Variants in KCNT1 observed in about 807,000 individuals in gnomAD.
KCNT1 encodes potassium channel subfamily T member 1.
Under a neutral mutation model 147.8 loss-of-function variants are expected in KCNT1, and 78 were observed. The ratio of observed to expected loss-of-function variants is 0.53; its 90% confidence interval spans 0.44 to 0.64. The LOEUF (loss-of-function observed/expected upper bound fraction) is 0.64. Among genes scored for constraint, KCNT1 ranks in the 30% least tolerant of loss-of-function variants. KCNT1 has a pLI of 0.00. For missense variants in KCNT1, 1,419 were observed against 1,750.3 expected, an observed-to-expected ratio of 0.81 and a Z score of 3.38; for synonymous variants, 867 against 748.8, an observed-to-expected ratio of 1.16 and a Z score of -2.58.
intron 15 of KCNT1, among the ~76,000 whole-genome samples, 153 bp downstream of exon 15, chr9:135,769,090 TG>T (rs1337013271): frequency 2.1e-5 from 3 of 142,706 alleles, no homozygotes; most frequent in Non-Finnish European, 1.5e-5. Flanking sequence ...ACGGTGCGTC[TG>T]GGGCAGGATG....
chr9:135,752,174 G>C lies in KCNT1; in HGVS notation c.434+1133G>C, dbSNP rs1341255807. 5 of 351,050 alleles carry C rather than the reference G, an allele frequency of 1.4e-5. No individual in the cohort carries two copies. The East Asian group carries it at 3.8e-4, about 27-fold the overall frequency. The allele number at this position is 351,050 out of a possible 1,614,324, so 21.7% of individuals were successfully genotyped here. A position where few individuals can be genotyped will look rare whatever the true frequency, so the allele number is the denominator to read the frequency against. The stretch of plus-strand genomic sequence containing the variant: ...TCGGGGTGAACCCTGCCAGCATGCT[G>C]GTCCCCCCTCTGGCTGCGCAGAGCA... On this transcript the variant is annotated intron_variant, in intron 4 of 30. Coordinates refer to ENST00000371757, the MANE Select transcript of KCNT1 (RefSeq NM_020822.3). This position sits in a 1 kb window ranked among gnomAD's most constrained non-coding sequence, Gnocchi z 5.1.
Position 135,784,116 on chromosome 9 carries a change from G to GC in KCNT1, c.2935dup (p.Leu979ProfsTer92). 1 of 1,603,952 alleles carries GC rather than the reference G, an allele frequency of 6.2e-7. No individual in the cohort carries two copies. The highest frequency in any genetic ancestry group is 1.1e-5 in the South Asian group (1 of 91,084). On this transcript the variant is annotated frameshift_variant, in exon 25 of 31. Coordinates refer to ENST00000371757, the MANE Select transcript of KCNT1 (RefSeq NM_020822.3). LOFTEE classifies it high-confidence loss of function. ...TCAGCATCAGCATGTTGGACACACTGCTCTACCAGGTCAGCGGGGAAGCGG... is the reference window on the plus strand; with the variant it reads ...TCAGCATCAGCATGTTGGACACACTGCCTCTACCAGGTCAGCGGGGAAGCGG...
At chr9:135,703,485 A>AC (rs1835118363) in intron 1 of KCNT1, among the ~76,000 whole-genome samples, 1 of 152,172 alleles carries the variant, frequency 6.6e-6, no homozygotes, top group Non-Finnish European at 1.5e-5. Context: ...CCCACCTGGC[A>AC]CCCGGGGGAG....
intron 20 of KCNT1, among the ~76,000 whole-genome samples, chr9:135,776,361 G>T (rs1833170773): frequency 1.3e-5 from 2 of 152,020 alleles, no homozygotes; most frequent in African/African-American, 2.4e-5. Context: ...AGGCTCAAGG[G>T]GTCCTCCCAC....
At chr9:135,754,118 T>G (rs573355498) in intron 5 of KCNT1, 125 bp downstream of exon 5, 1 of 802,498 alleles carries the variant, frequency 1.2e-6, no homozygotes, top group African/African-American at 1.8e-5. Flanking sequence ...CAGGGTGGGG[T>G]GGGATGAGTC....
chr9:135,717,449 G>A (rs1835766123), intron 2 of KCNT1, among the ~76,000 whole-genome samples: 1 of 152,148 alleles, frequency 6.6e-6, no homozygotes, highest in African/African-American at 2.4e-5. Context: ...AAGGTGGGGG[G>A]CTGCTGGTCG....
At chr9:135,768,782 C>T in intron 14 of KCNT1, 47 bp from the exon 15 acceptor site, 8 of 1,570,720 alleles carry the variant, frequency 5.1e-6, no homozygotes, top group Non-Finnish European at 7.0e-6. Context: ...GCCCAGCAGC[C>T]CACAGAGGCC....
intron 2 of KCNT1, chr9:135,742,674 T>C: frequency 1.4e-6 from 1 of 711,226 alleles, no homozygotes; most frequent in Non-Finnish European, 2.6e-6. Context: ...CATCTGTCTG[T>C]CTACTGCCTT....
chr9:135,754,479 G>A (rs374640219), intron 5 of KCNT1, among the ~76,000 whole-genome samples: 6 of 152,320 alleles, frequency 3.9e-5, no homozygotes, highest in African/African-American at 1.4e-4. Flanking sequence ...CCCCGGGCAG[G>A]CAGTGGGAGG....
Position 135,779,344 on chromosome 9 carries a change from G to A in KCNT1, c.2730-15G>A, listed in dbSNP as rs539244041. 4.0e-5 allele frequency: 63 copies of A among 1,576,080 alleles called. No homozygotes were observed. Among genetic ancestry groups the A allele is most frequent in the African/African-American group, 1.6e-4 (12 of 73,562 alleles). ...ACCACCATGGGCCCCGCCCTGAGCC[G>A]CCTGCCTCCCCCAGGCTCTTCCCCA... On this transcript the variant is annotated splice_polypyrimidine_tract_variant and intron_variant, in intron 23 of 30. Transcript: ENST00000371757.
intron 1 of KCNT1, among the ~76,000 whole-genome samples, chr9:135,709,715 C>T (rs534659748): frequency 1.3e-5 from 2 of 152,228 alleles, no homozygotes; most frequent in Admixed American, 1.3e-4. Flanking sequence ...GAGTCTCGCT[C>T]TGTCACCCAG....
intron 2 of KCNT1, chr9:135,742,628 G>A (rs1830624129): frequency 4.6e-6 from 3 of 658,584 alleles, no homozygotes; most frequent in Non-Finnish European, 5.6e-6. Context: ...CTCCCTGCGT[G>A]TCTGTGCCCC....
At chr9:135,751,179 C>T in intron 4 of KCNT1, 138 bp downstream of exon 4, 2 of 776,126 alleles carry the variant, frequency 2.6e-6, no homozygotes, top group South Asian at 3.1e-5. Flanking sequence ...TTCCCCAGTG[C>T]CTGTCCCAGG....
chr9:135,759,871 G>GGGCACCAGCCCTGGGT lies in KCNT1; in HGVS notation c.1035+22_1035+37dup. 3.1e-6 allele frequency: 5 copies of GGGCACCAGCCCTGGGT among 1,590,954 alleles called. No individual in the cohort carries two copies. The highest frequency in any genetic ancestry group is 1.3e-5 in the African/African-American group (1 of 74,614). On this transcript the variant is annotated intron_variant, in intron 11 of 30. Transcript: ENST00000371757. ...TGCTCCCACTGCAGGTGGGTCCTCT[G>GGGCACCAGCCCTGGGT]GGCACCAGCCCTGGGTGGCACCAGC...
At chr9:135,742,952 C>T (rs938273958) in intron 2 of KCNT1, 30 of 644,020 alleles carry the variant, frequency 4.7e-5, no homozygotes, top group Non-Finnish European at 7.3e-5. Context: ...TCCCAGTACC[C>T]GCTGGTGCCT....
At chr9:135,726,752 CCTCT>C in intron 2 of KCNT1, among the ~76,000 whole-genome samples, 1 of 92,290 alleles carries the variant, frequency 1.1e-5, no homozygotes, top group Non-Finnish European at 2.3e-5. Context: ...TCTCTCCCTC[CCTCT>C]CTCCCTCTCT....
intron 2 of KCNT1, among the ~76,000 whole-genome samples, chr9:135,718,218 C>T (rs890056836): frequency 6.6e-6 from 1 of 152,154 alleles, no homozygotes; most frequent in Non-Finnish European, 1.5e-5. Flanking sequence ...GACCAGGGGT[C>T]GTCTGCCTGG....
At chr9:135,724,127 G>A (rs1836033535) in intron 2 of KCNT1, among the ~76,000 whole-genome samples, 1 of 152,230 alleles carries the variant, frequency 6.6e-6, no homozygotes, top group South Asian at 2.1e-4. Flanking sequence ...TCCAGGCTCA[G>A]AGGCTCGAGA....
Position 135,757,007 on chromosome 9 carries a change from C to G in KCNT1, c.600+75C>G, listed in dbSNP as rs891431289. The G allele has an allele frequency of 6.2e-4, 727 of 1,169,612 alleles. 2 individuals carry two copies. The highest frequency in any genetic ancestry group is 8.2e-4 in the Non-Finnish European group (665 of 812,278). The allele number at this position is 1,169,612 out of a possible 1,614,324, so 72.5% of individuals were successfully genotyped here. On this transcript the variant is annotated intron_variant, in intron 7 of 30. Transcript: ENST00000371757. ...ACCCTCCCCAGCCTCCCCCACCTCC[C>G]CCACCCTCTCCTATTTCCCCACACT...
Sources: allele counts gnomAD v4.1 joint callset (sites outside exome capture counted in the v4.1 genomes callset), GRCh38; gene constraint gnomAD v4.1.1; non-coding constraint Gnocchi (gnomAD v3.1); transcripts MANE v1.5; gene names NCBI Gene and HGNC (gene_info 2026-07-23, HGNC 2026-07-21).